ZKSCAN7: variants seen among roughly 807,000 people sequenced by gnomAD.
ZKSCAN7 encodes the protein zinc finger protein with KRAB and SCAN domains 7.
In ZKSCAN7, 38 loss-of-function variants were observed where a neutral mutation model predicts 65.3. The observed-to-expected ratio is 0.58, with a 90% CI of 0.45 to 0.76. The LOEUF (loss-of-function observed/expected upper bound fraction) is 0.76. Ranked by LOEUF, ZKSCAN7 falls within the 30% of genes least tolerant of loss-of-function variation. The pLI is 0.00. For synonymous variants in ZKSCAN7, 321 were observed against 321.0 expected (o/e 1.00, Z 0.00); for missense variants, 815 against 913.3 (o/e 0.89, Z 1.39).
intron 5 of ZKSCAN7, chr3:44,581,004 G>A (rs941027857): frequency 4.0e-5 from 64 of 1,606,822 alleles, no homozygotes; most frequent in Middle Eastern, 2.3e-4. Context: ...TTTCCTGCAC[G>A]GGTTCTCCTT....
intron 2 of ZKSCAN7, among the ~76,000 whole-genome samples, chr3:44,563,432 G>A (rs559831342): frequency 1.6e-4 from 25 of 152,296 alleles, no homozygotes; most frequent in African/African-American, 5.8e-4. Flanking sequence ...AAGAAAAGAG[G>A]TTCAGTCGAC....
At chr3:44,565,383 C>T in intron 2 of ZKSCAN7, 104 bp from the exon 3 acceptor site, 2 of 1,227,366 alleles carry the variant, frequency 1.6e-6, no homozygotes, top group Non-Finnish European at 2.2e-6. Context: ...CACCCTGGCT[C>T]TTCTTTTCCC....
chr3:44,563,450 T>G lies in ZKSCAN7; in HGVS notation c.424-2037T>G, dbSNP rs114261663. On this transcript the variant is annotated intron_variant, in intron 2 of 5. Coordinates refer to ENST00000426540, the MANE Select transcript of ZKSCAN7 (RefSeq NM_001288590.2). Reference sequence around the variant, plus strand: ...AAAAGAGGTTCAGTCGACTCACAGTTCTGCAGGCTTAACAGAAAGCATGAC... The same window carrying G: ...AAAAGAGGTTCAGTCGACTCACAGTGCTGCAGGCTTAACAGAAAGCATGAC... 8.8e-3 allele frequency among the ~76,000 whole-genome samples: 1,341 copies of G among 152,284 alleles called. 22 individuals are homozygous for G. Among genetic ancestry groups the G allele is most frequent in the African/African-American group, 0.031 (1,283 of 41,544 alleles).
chr3:44,581,242 C>G (rs140503691), intron 5 of ZKSCAN7, among the ~76,000 whole-genome samples: 9 of 147,868 alleles, frequency 6.1e-5, no homozygotes, highest in African/African-American at 1.7e-4. Flanking sequence ...GCACCGCCGC[C>G]GCCCAGCCGC....
chr3:44,571,796 C>A lies in ZKSCAN7; in HGVS notation c.*421C>A, dbSNP rs901799830. The stretch of plus-strand genomic sequence containing the variant: ...TCCTGCCTCTTGGCTATGGCCCTCC[C>A]CATCTACTCTTTAAACTTTAATCTA... On this transcript the variant is annotated 3_prime_UTR_variant, in exon 6 of 6. Coordinates refer to ENST00000426540, the MANE Select transcript of ZKSCAN7 (RefSeq NM_001288590.2). 1.1e-5 allele frequency: 11 copies of A among 1,005,078 alleles called. No individual in the cohort carries two copies. In the African/African-American group the frequency reaches 1.9e-4, roughly 17 times the overall value. 62.3% of individuals were successfully genotyped at this position (1,005,078 alleles called of 1,614,324 possible).
rs1699260240 is a variant in ZKSCAN7 at position 44,555,392 on chromosome 3, C to A, written c.-208C>A. ...TCTCAGAAGCCGCCCGATGTAGAGC[C>A]GCTTCTTTGTCTCATACCCCTGACC... On this transcript the variant is annotated 5_prime_UTR_variant, in exon 1 of 6. Coordinates refer to ENST00000426540, the MANE Select transcript of ZKSCAN7 (RefSeq NM_001288590.2). The A allele has an allele frequency of 6.6e-6, 1 of 152,266 alleles. No individual in the cohort carries two copies. The highest frequency in any genetic ancestry group is 2.4e-5 in the African/African-American group (1 of 41,474). The allele number at this position is 152,266 out of a possible 1,614,324, so 9.4% of individuals were successfully genotyped here.
In ZKSCAN7 at chr3:44,570,457, G is replaced by T; in HGVS notation, c.1347G>T (p.Arg449Ser). The change falls in exon 6 of 6, where the codon AGG becomes AGT. Residue 449 changes from arginine (R) to serine (S), a missense_variant. Arg to Ser is a moderately radical substitution (Grantham distance 110). Around this residue, in one of 3 missense-constraint regions of ZKSCAN7, gnomAD observed 578 missense variants for 629.5 expected, o/e 0.92. Transcript: ENST00000426540. Reference protein sequence around the residue: ...YECSECGKAYRHSSHLIQHQR... With the variant: ...YECSECGKAYSHSSHLIQHQR... ...GCAGTGAGTGTGGAAAGGCCTATAG[G>T]CACAGCTCCCATCTCATTCAACACC... 1 of 1,614,022 alleles carries T rather than the reference G, an allele frequency of 6.2e-7. No individual in the cohort carries two copies. The highest frequency in any genetic ancestry group is 1.1e-5 in the South Asian group (1 of 91,054).
chr3:44,560,004 C>T (rs1194679235), intron 2 of ZKSCAN7, among the ~76,000 whole-genome samples: 1 of 152,172 alleles, frequency 6.6e-6, no homozygotes, highest in African/African-American at 2.4e-5. Context: ...TCCCTATTTC[C>T]TGCTTGGTTT....
chr3:44,558,718 C>T (rs992702147), intron 2 of ZKSCAN7, among the ~76,000 whole-genome samples: 1 of 148,942 alleles, frequency 6.7e-6, no homozygotes, highest in African/African-American at 2.5e-5. Context: ...TCTTTTTCCT[C>T]CTCCTCCTCC....
At chr3:44,556,603 G>T (rs890370944) in intron 1 of ZKSCAN7, among the ~76,000 whole-genome samples, 2 of 152,188 alleles carry the variant, frequency 1.3e-5, no homozygotes, top group African/African-American at 2.4e-5. Flanking sequence ...CACCCTTTGG[G>T]ATAGCCTGCA....
At chr3:44,561,140 G>C (rs1323759991) in intron 2 of ZKSCAN7, among the ~76,000 whole-genome samples, 2 of 152,186 alleles carry the variant, frequency 1.3e-5, no homozygotes, top group Non-Finnish European at 2.9e-5. Context: ...TAATTAAAAA[G>C]AAAAGAGGTT....
chr3:44,569,025 TC>T (rs1462281667), intron 5 of ZKSCAN7, among the ~76,000 whole-genome samples: 5 of 152,242 alleles, frequency 3.3e-5, no homozygotes, highest in Admixed American at 3.3e-4. Flanking sequence ...CACTTCAGCT[TC>T]CATTGCTACT....
chr3:44,561,661 C>T (rs192189302), intron 2 of ZKSCAN7, among the ~76,000 whole-genome samples: 6 of 149,576 alleles, frequency 4.0e-5, no homozygotes, highest in Non-Finnish European at 8.8e-5. Flanking sequence ...GGTAAATGCT[C>T]CCATTCCAAA....
At chr3:44,579,906 A>C (rs1575386586) in intron 5 of ZKSCAN7, 1 of 1,572,228 alleles carries the variant, frequency 6.4e-7, no homozygotes, top group Non-Finnish European at 8.6e-7. Context: ...GGCTCTGTGG[A>C]CCTCCTGTCC....
Position 44,571,423 on chromosome 3 carries a change from C to T in ZKSCAN7, c.*48C>T, listed in dbSNP as rs566924763. 6.2e-7 allele frequency: 1 copy of T among 1,607,088 alleles called. No homozygotes were observed. Among genetic ancestry groups the T allele is most frequent in the East Asian group, 2.2e-5 (1 of 44,870 alleles). ...AGCAACGACCTTTGAGTTAAGCTGTCTTTATAAGCAGGATGCTCATAGTGG... is the reference window on the plus strand; with the variant it reads ...AGCAACGACCTTTGAGTTAAGCTGTTTTTATAAGCAGGATGCTCATAGTGG... On this transcript the variant is annotated 3_prime_UTR_variant, in exon 6 of 6. Coordinates refer to ENST00000426540, the MANE Select transcript of ZKSCAN7 (RefSeq NM_001288590.2).
At chr3:44,558,697 T>G (rs561773201) in intron 2 of ZKSCAN7, among the ~76,000 whole-genome samples, 1 of 151,184 alleles carries the variant, frequency 6.6e-6, no homozygotes, top group East Asian at 1.9e-4. Flanking sequence ...TCTTTCTTCT[T>G]TGTCCTTTCT....
At chr3:44,568,474 G>A in intron 5 of ZKSCAN7, 41 bp downstream of exon 5, 2 of 1,590,150 alleles carry the variant, frequency 1.3e-6, no homozygotes, top group Non-Finnish European at 1.7e-6. Context: ...TCTGCATGCT[G>A]CACAATCTCT....
intron 4 of ZKSCAN7, 133 bp from the exon 5 acceptor site, chr3:44,568,174 C>T (rs1575369912): frequency 1.2e-5 from 19 of 1,532,524 alleles, no homozygotes; most frequent in South Asian, 8.8e-5. Context: ...TTGTCCTTTT[C>T]GAGGTGTCAT....
In ZKSCAN7 at chr3:44,557,056, T is replaced by C. The variant is rs746583135; in HGVS notation, c.9T>C (p.Thr3=). MT[T]AGRGNLGLIP... ...TTCTCTTTGGGGTCACAATGACCACTGCAGGCAGGGGAAATTTAGGCCTCA... is the reference window on the plus strand; with the variant it reads ...TTCTCTTTGGGGTCACAATGACCACCGCAGGCAGGGGAAATTTAGGCCTCA... The change falls in exon 2 of 6, where the codon ACT becomes ACC. Residue 3 remains threonine (T), a synonymous_variant. Coordinates refer to ENST00000426540, the MANE Select transcript of ZKSCAN7 (RefSeq NM_001288590.2). 4.7e-5 allele frequency: 76 copies of C among 1,614,122 alleles called. No homozygotes were observed. Among genetic ancestry groups the C allele is most frequent in the Middle Eastern group, 1.6e-4 (1 of 6,084 alleles).
Sources: gnomAD v4.1 joint callset for allele counts (sites outside exome capture counted in the v4.1 genomes callset) on GRCh38, gnomAD v4.1.1 for gene constraint, gnomAD v4.1.1 regional missense constraint, MANE v1.5 for transcripts, NCBI Gene and HGNC (gene_info 2026-07-23, HGNC 2026-07-21) for gene names.